Variants in LGALS16 observed in about 807,000 individuals in gnomAD.
The protein encoded by LGALS16 is galectin 16, also known as galectin-16.
In LGALS16, 15 loss-of-function variants were observed where a neutral mutation model predicts 13.2. The observed-to-expected ratio is 1.13, with a 90% CI of 0.76 to 1.75. LGALS16 has a LOEUF of 1.75. Ranked by LOEUF, LGALS16 falls within the 40% of genes most tolerant of loss-of-function variation. The pLI, the probability that LGALS16 is intolerant of heterozygous loss-of-function variation, is 0.00. For missense variants in LGALS16, 198 were observed against 178.4 expected, an observed-to-expected ratio of 1.11 and a Z score of -0.63; for synonymous variants, 66 against 65.4, an observed-to-expected ratio of 1.01 and a Z score of -0.05.
chr19:39,657,983 A>G (rs759927091), intron 2 of LGALS16, 24 bp downstream of exon 2: 6 of 1,611,276 alleles, frequency 3.7e-6, no homozygotes, highest in African/African-American at 1.3e-5. Flanking sequence ...GGTCCAATGG[A>G]GGGGGTGGAG....
intron 3 of LGALS16, among the ~76,000 whole-genome samples, chr19:39,659,605 A>G (rs1973237084): frequency 6.6e-6 from 1 of 152,228 alleles, no homozygotes; most frequent in South Asian, 2.1e-4. Flanking sequence ...ATGATGCTGT[A>G]TTAAGCTTTC....
At chr19:39,659,057 A>G (rs1318983803) in intron 3 of LGALS16, among the ~76,000 whole-genome samples, 1 of 151,904 alleles carries the variant, frequency 6.6e-6, no homozygotes, top group South Asian at 2.1e-4. Flanking sequence ...ACTCATACGA[A>G]TAACATTACC....
At chr19:39,657,855 C>A (rs1217793194) in intron 1 of LGALS16, 28 bp from the exon 2 acceptor site, 3 of 1,611,314 alleles carry the variant, frequency 1.9e-6, no homozygotes, top group Non-Finnish European at 2.5e-6. Flanking sequence ...GACCCTGCAC[C>A]TCTCACTTAT....
chr19:39,659,858 A>G (rs1415739479), intron 3 of LGALS16, among the ~76,000 whole-genome samples: 2 of 152,200 alleles, frequency 1.3e-5, no homozygotes, highest in East Asian at 3.8e-4. Context: ...CTATGCTTAG[A>G]AGTTGTCGAA....
intron 3 of LGALS16, among the ~76,000 whole-genome samples, chr19:39,659,023 G>A (rs527772373): frequency 6.2e-4 from 94 of 151,652 alleles, no homozygotes; most frequent in African/African-American, 2.2e-3. Flanking sequence ...TTATGTCTTC[G>A]TCTCACTTTT....
chr19:39,658,808 C>A, intron 3 of LGALS16, 138 bp downstream of exon 3: 1 of 637,108 alleles, frequency 1.6e-6, no homozygotes, highest in Non-Finnish European at 2.8e-6. Context: ...CATCACAGAG[C>A]ACCCTCTGCT....
Position 39,658,511 on chromosome 19 carries a change from A to C in LGALS16, c.144A>C (p.Ser48=), listed in dbSNP as rs1973221472. 1 of 1,606,602 alleles carries C rather than the reference A, an allele frequency of 6.2e-7. No individual in the cohort carries two copies. The highest frequency in any genetic ancestry group is 8.5e-7 in the Non-Finnish European group (1 of 1,178,174). The change falls in exon 3 of 4, where the codon TCA becomes TCC. Residue 48 remains serine, a synonymous_variant. Coordinates refer to ENST00000392051, the MANE Select transcript of LGALS16 (RefSeq NM_001190441.3). The part of the protein sequence containing the change: ...VDFYTEMNED[S]EIAFHLRVHL... ...TCTACACTGAGATGAATGAGGACTC[A>C]GAAATTGCCTTCCATTTGCGAGTGC... is the stretch of plus-strand genomic sequence containing the variant.
chr19:39,658,106 C>G lies in LGALS16; in HGVS notation c.92+147C>G, dbSNP rs187861376. 137 of 931,234 alleles carry G rather than the reference C, an allele frequency of 1.5e-4. 1 individual carries two copies. In the African/African-American group the frequency reaches 1.9e-3, roughly 13 times the overall value. The allele number at this position is 931,234 out of a possible 1,614,324, so 57.7% of individuals were successfully genotyped here. On this transcript the variant is annotated intron_variant, in intron 2 of 3. Coordinates refer to ENST00000392051, the MANE Select transcript of LGALS16 (RefSeq NM_001190441.3). ...TGCAGGTCCTGGAGACCCTCCAGCACCAGGCATGAGACCTGCAGCAACTGC... is the reference window on the plus strand; with the variant it reads ...TGCAGGTCCTGGAGACCCTCCAGCAGCAGGCATGAGACCTGCAGCAACTGC...
intron 2 of LGALS16, 34 bp from the exon 3 acceptor site, chr19:39,658,426 A>G (rs1218986531): frequency 6.5e-7 from 1 of 1,530,664 alleles, no homozygotes; most frequent in East Asian, 2.3e-5. Flanking sequence ...GCAATGAAGG[A>G]ACCTGTCCAA....
intron 2 of LGALS16, 35 bp from the exon 3 acceptor site, chr19:39,658,425 G>C: frequency 6.6e-7 from 1 of 1,525,918 alleles, no homozygotes; most frequent in South Asian, 1.2e-5. Context: ...TGCAATGAAG[G>C]AACCTGTCCA....
chr19:39,657,406 C>T (rs560325903), intron 1 of LGALS16, among the ~76,000 whole-genome samples: 260 of 152,268 alleles, frequency 1.7e-3, no homozygotes, highest in Admixed American at 2.9e-3. Flanking sequence ...CTTGGAAGGA[C>T]GTCCATTGCC....
At chr19:39,657,745 T>C in intron 1 of LGALS16, 138 bp from the exon 2 acceptor site, 2 of 943,902 alleles carry the variant, frequency 2.1e-6, no homozygotes, top group Non-Finnish European at 3.3e-6. Context: ...TGTGGGGCCC[T>C]GACTGTGGTA....
At chr19:39,657,219 C>T (rs901189055) in intron 1 of LGALS16, among the ~76,000 whole-genome samples, 20 of 152,252 alleles carry the variant, frequency 1.3e-4, no homozygotes, top group South Asian at 4.1e-4. Flanking sequence ...GAGCTATGAT[C>T]GCACCACTGC....
Position 39,658,462 on chromosome 19 carries a change from A to G in LGALS16, c.95A>G (p.Asn32Ser), listed in dbSNP as rs201930366. ...IKGTLIDSSI[N>S]EPQLQVDFYT... ...TATGCTGTGTGCTTTGCCCTCAGCA[A>G]CGAACCACAGCTGCAGGTGGATTTC... is the stretch of plus-strand genomic sequence containing the variant. The change falls in exon 3 of 4, where the codon AAC (asparagine) becomes AGC (serine). Residue 32 changes from asparagine to serine, a missense_variant and splice_region_variant. By Grantham distance (46) the Asn-to-Ser change is conservative. Coordinates refer to ENST00000392051, the MANE Select transcript of LGALS16 (RefSeq NM_001190441.3). 7.5e-4 allele frequency: 1,194 copies of G among 1,595,316 alleles called. No individual in the cohort carries two copies. Among genetic ancestry groups the G allele is most frequent in the Non-Finnish European group, 9.9e-4 (1,163 of 1,173,766 alleles).
chr19:39,658,104 C>G lies in LGALS16; in HGVS notation c.92+145C>G. ...GGTGCAGGTCCTGGAGACCCTCCAGCACCAGGCATGAGACCTGCAGCAACT... is the reference window on the plus strand; with the variant it reads ...GGTGCAGGTCCTGGAGACCCTCCAGGACCAGGCATGAGACCTGCAGCAACT... On this transcript the variant is annotated intron_variant, in intron 2 of 3. Coordinates refer to ENST00000392051, the MANE Select transcript of LGALS16 (RefSeq NM_001190441.3). The G allele has an allele frequency of 4.2e-6, 4 of 945,698 alleles. No homozygotes were observed. The South Asian group carries it at 6.2e-5, about 15-fold the overall frequency. 58.6% of individuals were successfully genotyped at this position (945,698 alleles called of 1,614,324 possible).
Position 39,660,597 on chromosome 19 carries a change from C to A in LGALS16, c.*77C>A. The A allele has an allele frequency of 8.1e-7, 1 of 1,236,518 alleles. No individual in the cohort carries two copies. The highest frequency in any genetic ancestry group is 1.1e-6 in the Non-Finnish European group (1 of 880,350). 76.6% of individuals were successfully genotyped at this position (1,236,518 alleles called of 1,614,324 possible). On this transcript the variant is annotated 3_prime_UTR_variant, in exon 4 of 4. Transcript: ENST00000392051. ...CTAGAGCCTGCTAACAGAATAATCC[C>A]TCCTCAACCCCTTCCCCTACACTTG...
Position 39,660,637 on chromosome 19 carries a change from A to C in LGALS16, c.*117A>C. On this transcript the variant is annotated 3_prime_UTR_variant, in exon 4 of 4. Transcript: ENST00000392051. ...CCCTACACTTGGTCATTAAAACAGC[A>C]CCAAACCGTACATGATTTGGTTCTT... is the stretch of plus-strand genomic sequence containing the variant. 1.2e-6 allele frequency: 1 copy of C among 841,032 alleles called. No homozygotes were observed. Among genetic ancestry groups the C allele is most frequent in the Non-Finnish European group, 1.8e-6 (1 of 546,960 alleles). 52.1% of individuals were successfully genotyped at this position (841,032 alleles called of 1,614,324 possible). A position where few individuals can be genotyped will look rare whatever the true frequency, so the allele number is the denominator to read the frequency against.
At chr19:39,656,269 C>T (rs936651131) in intron 1 of LGALS16, among the ~76,000 whole-genome samples, 6 of 152,060 alleles carry the variant, frequency 3.9e-5, no homozygotes, top group African/African-American at 1.4e-4. Flanking sequence ...CCAGGTCAAG[C>T]AGGTGTTTGT....
At position 39,660,646 on chromosome 19, in the gene LGALS16, T is replaced by A; in HGVS notation, c.*126T>A. On this transcript the variant is annotated 3_prime_UTR_variant, in exon 4 of 4. Coordinates refer to ENST00000392051, the MANE Select transcript of LGALS16 (RefSeq NM_001190441.3). ...TGGTCATTAAAACAGCACCAAACCG[T>A]ACATGATTTGGTTCTTGCTTTAAGA... 1.2e-6 allele frequency: 1 copy of A among 800,186 alleles called. No individual in the cohort carries two copies. The highest frequency in any genetic ancestry group is 1.9e-6 in the Non-Finnish European group (1 of 515,784). 49.6% of individuals were successfully genotyped at this position (800,186 alleles called of 1,614,324 possible). A position where few individuals can be genotyped will look rare whatever the true frequency, so the allele number is the denominator to read the frequency against.
Sources: gnomAD v4.1 joint callset for allele counts (sites outside exome capture counted in the v4.1 genomes callset) on GRCh38, gnomAD v4.1.1 for gene constraint, MANE v1.5 for transcripts, NCBI Gene and HGNC (gene_info 2026-07-23, HGNC 2026-07-21) for gene names.